SNX29: variants seen among roughly 807,000 people sequenced by gnomAD.
SNX29 encodes the protein sorting nexin 29.
In SNX29, 78 loss-of-function variants were observed where a neutral mutation model predicts 102.1. That is an observed-to-expected ratio of 0.76 (90% CI 0.64 to 0.92). The LOEUF (loss-of-function observed/expected upper bound fraction) is 0.92, where lower values mean the gene tolerates loss of function less well. Ranked by LOEUF, SNX29 falls within the 40% of genes least tolerant of loss-of-function variation. The probability of loss-of-function intolerance (pLI) is 0.00; values close to 1 mark genes in which losing one functional copy is unlikely to be tolerated. For synonymous variants in SNX29, 580 were observed against 414.5 expected (o/e 1.40, Z -4.85); for missense variants, 1,280 against 1,061.7 (o/e 1.21, Z -2.86).
intron 16 of SNX29, among the ~76,000 whole-genome samples, chr16:12,363,995 A>G (rs1440232577): frequency 6.6e-6 from 1 of 151,986 alleles, no homozygotes; most frequent in Non-Finnish European, 1.5e-5. Flanking sequence ...CACTATATAT[A>G]CTTTACTTTT....
intron 18 of SNX29, among the ~76,000 whole-genome samples, chr16:12,434,486 G>T (rs770812322): frequency 4.6e-5 from 7 of 152,164 alleles, no homozygotes; most frequent in African/African-American, 1.7e-4. Context: ...TGTGTGTCCT[G>T]TCTCAGAGCC....
At chr16:12,522,724 C>A (rs1299687008) in intron 19 of SNX29, among the ~76,000 whole-genome samples, 1 of 152,172 alleles carries the variant, frequency 6.6e-6, no homozygotes, top group Non-Finnish European at 1.5e-5. Context: ...CATCCCCCAC[C>A]ATGTTTCCTG....
chr16:12,446,169 C>T (rs1355689386), intron 18 of SNX29, among the ~76,000 whole-genome samples: 1 of 150,186 alleles, frequency 6.7e-6, no homozygotes, highest in East Asian at 2.0e-4. Context: ...AGTTGTTCAG[C>T]TTCTGCCTCC....
chr16:12,026,191 T>A lies in SNX29; in HGVS notation c.123-1129T>A, dbSNP rs2057187039. 2.0e-5 allele frequency among the ~76,000 whole-genome samples: 3 copies of A among 152,190 alleles called. No homozygotes were observed. In the South Asian group the frequency reaches 6.2e-4, roughly 32 times the overall value. ...TTTCCAGCCTGCTGCCCTTGTCATA[T>A]CCAGCTCGTAATTCCAAGGCCACCT... On this transcript the variant is annotated intron_variant, in intron 3 of 20. Transcript: ENST00000566228.
chr16:12,126,657 C>G lies in SNX29; in HGVS notation c.1427C>G (p.Ala476Gly), dbSNP rs2054225867. 6.2e-7 allele frequency: 1 copy of G among 1,613,840 alleles called. No individual in the cohort carries two copies. Among genetic ancestry groups the G allele is most frequent in the Non-Finnish European group, 8.5e-7 (1 of 1,179,886 alleles). Residue 476 changes from alanine to glycine, a missense_variant, in exon 12 of 21, where the codon GCC (alanine) becomes GGC (glycine). By Grantham distance (60) the Ala-to-Gly change is moderately conservative. Coordinates refer to ENST00000566228, the MANE Select transcript of SNX29 (RefSeq NM_032167.5). The stretch of plus-strand genomic sequence containing the variant: ...GGTGAACTGCGCCAGGCCACTGTGG[C>G]CATGATGAACAGGAAGGATGAGCTG... ...TISELRQATV[A>G]MMNRKDELEE...
At chr16:12,146,512 C>T (rs576816073) in intron 13 of SNX29, among the ~76,000 whole-genome samples, 53 of 152,314 alleles carry the variant, frequency 3.5e-4, no homozygotes, top group African/African-American at 1.1e-3. Flanking sequence ...GTGATCCACC[C>T]GCCTTGGCCT....
At chr16:12,256,222 A>G (rs1184937455) in intron 14 of SNX29, among the ~76,000 whole-genome samples, 1 of 152,142 alleles carries the variant, frequency 6.6e-6, no homozygotes, top group Non-Finnish European at 1.5e-5. Context: ...ATCAGGTTAT[A>G]TTTTCCTGCT....
At chr16:12,110,517 C>T (rs901728691) in intron 11 of SNX29, among the ~76,000 whole-genome samples, 12 of 152,184 alleles carry the variant, frequency 7.9e-5, no homozygotes, top group African/African-American at 2.6e-4. Context: ...AGCCCTGTGA[C>T]GAGGAAGGGA....
intron 11 of SNX29, among the ~76,000 whole-genome samples, chr16:12,120,617 C>T (rs767956557): frequency 4.6e-5 from 7 of 152,136 alleles, no homozygotes; most frequent in East Asian, 1.9e-4. Context: ...TAGCAGCCTC[C>T]GAGGCCGTAA....
Position 12,321,294 on chromosome 16 carries a change from G to C in SNX29, c.1783-34869G>C, listed in dbSNP as rs567726707. On this transcript the variant is annotated intron_variant, in intron 15 of 20. Coordinates refer to ENST00000566228, the MANE Select transcript of SNX29 (RefSeq NM_032167.5). ...AGCGGCCACCCTCCCCCTCAGAACAGGGACACTCCATTGGAGTAGGTTCAC... is the reference window on the plus strand; with the variant it reads ...AGCGGCCACCCTCCCCCTCAGAACACGGACACTCCATTGGAGTAGGTTCAC... 3.9e-5 allele frequency among the ~76,000 whole-genome samples: 6 copies of C among 152,292 alleles called. No homozygotes were observed. The East Asian group carries it at 1.2e-3, about 29-fold the overall frequency.
chr16:12,317,966 G>C (rs1412925711), intron 15 of SNX29, among the ~76,000 whole-genome samples: 1 of 152,372 alleles, frequency 6.6e-6, no homozygotes, highest in Admixed American at 6.5e-5. Flanking sequence ...CGCTTAGTTT[G>C]GATGGGAGTG....
chr16:12,510,188 G>C (rs8049699), intron 19 of SNX29, among the ~76,000 whole-genome samples: 32,169 of 152,152 alleles, frequency 0.21, 3,628 homozygotes, highest in South Asian at 0.38. Context: ...GATCCTCTAG[G>C]TGGAATTACA....
chr16:11,995,531 G>T (rs1237883797), intron 1 of SNX29, among the ~76,000 whole-genome samples: 1 of 151,320 alleles, frequency 6.6e-6, no homozygotes, highest in East Asian at 1.9e-4. Context: ...TTTGTATAAA[G>T]AACAGGTTTT....
chr16:12,501,913 A>C (rs1432063614), intron 19 of SNX29, among the ~76,000 whole-genome samples: 7 of 152,094 alleles, frequency 4.6e-5, no homozygotes, highest in Non-Finnish European at 1.5e-5. Context: ...TGATCCAGTT[A>C]AGCTAAGAAG....
At chr16:12,395,451 G>A (rs1248525710) in intron 16 of SNX29, among the ~76,000 whole-genome samples, 1 of 152,224 alleles carries the variant, frequency 6.6e-6, no homozygotes, top group African/African-American at 2.4e-5. Context: ...GTACAGCACC[G>A]AGGGTGTTTG....
chr16:12,111,390 C>A (rs2053495848), intron 11 of SNX29, among the ~76,000 whole-genome samples: 1 of 152,212 alleles, frequency 6.6e-6, no homozygotes, highest in African/African-American at 2.4e-5. Context: ...ATGACCTGTG[C>A]TTGTCACTTG....
chr16:12,018,735 C>CT (rs930079286), intron 3 of SNX29, among the ~76,000 whole-genome samples: 1 of 148,802 alleles, frequency 6.7e-6, no homozygotes, highest in African/African-American at 2.5e-5. Flanking sequence ...ATCTTTTACA[C>CT]TTTTTTTTGT....
intron 3 of SNX29, among the ~76,000 whole-genome samples, chr16:12,008,731 G>GTTTTTTTT (rs57686878): frequency 2.1e-5 from 3 of 139,954 alleles, no homozygotes; most frequent in Non-Finnish European, 1.6e-5. Flanking sequence ...ATTGTATTTA[G>GTTTTTTTT]TTTTTTTTTT....
chr16:12,351,457 G>A (rs1187372930), intron 15 of SNX29, among the ~76,000 whole-genome samples: 1 of 152,118 alleles, frequency 6.6e-6, no homozygotes, highest in Non-Finnish European at 1.5e-5. Context: ...AATTTTGGGG[G>A]GTGTCTTGAT....
Sources: gnomAD v4.1 joint callset for allele counts (sites outside exome capture counted in the v4.1 genomes callset) on GRCh38, gnomAD v4.1.1 for gene constraint, MANE v1.5 for transcripts, NCBI Gene and HGNC (gene_info 2026-07-23, HGNC 2026-07-21) for gene names.